The following ERC2 variants were observed in gnomAD, a reference collection of about 807,000 sequenced individuals.
ERC2 encodes ERC protein 2.
ERC2 carries 42 observed loss-of-function variants against 114.8 expected under a neutral mutation model. The ratio of observed to expected loss-of-function variants is 0.37; its 90% CI spans 0.29 to 0.47. ERC2 has a LOEUF of 0.47. Ranked by LOEUF, ERC2 falls within the 20% of genes least tolerant of loss-of-function variation. ERC2 has a pLI of 0.99. For missense variants in ERC2, 939 were observed against 1,150.7 expected (o/e 0.82, Z 2.66); for synonymous variants, 454 against 425.5 (o/e 1.07, Z -0.82).
At chr3:55,816,918 T>C (rs1320789057) in intron 14 of ERC2, among the ~76,000 whole-genome samples, 1 of 152,218 alleles carries the variant, frequency 6.6e-6, no homozygotes, top group Non-Finnish European at 1.5e-5. Flanking sequence ...CTGTCTGGCA[T>C]GTGCAGCAGT....
At chr3:55,764,066 C>T (rs897321944) in intron 14 of ERC2, among the ~76,000 whole-genome samples, 2 of 152,188 alleles carry the variant, frequency 1.3e-5, no homozygotes, top group African/African-American at 2.4e-5. Flanking sequence ...AATACTTCCA[C>T]TGTTTGCGTT....
chr3:55,660,307 G>A (rs2061069067), intron 17 of ERC2, among the ~76,000 whole-genome samples: 1 of 152,222 alleles, frequency 6.6e-6, no homozygotes. Flanking sequence ...TTATGTCCAA[G>A]TTATAAAAAT....
intron 12 of ERC2, among the ~76,000 whole-genome samples, chr3:55,971,832 C>G (rs1029917521): frequency 6.6e-6 from 1 of 152,198 alleles, no homozygotes; most frequent in Non-Finnish European, 1.5e-5. Context: ...CTTCTGTACC[C>G]TTTATCTTCA....
intron 3 of ERC2, among the ~76,000 whole-genome samples, chr3:56,192,141 T>C (rs1169145141): frequency 6.6e-6 from 1 of 152,068 alleles, no homozygotes; most frequent in African/African-American, 2.4e-5. Flanking sequence ...ATTACCTACA[T>C]CTCTCCAACA....
At chr3:55,979,958 C>CTTTT (rs57387241) in intron 12 of ERC2, among the ~76,000 whole-genome samples, 1 of 129,150 alleles carries the variant, frequency 7.7e-6, no homozygotes, top group African/African-American at 2.8e-5. Flanking sequence ...CTTTTTTTTT[C>CTTTT]TTTTTTTTTT....
chr3:55,693,549 T>A (rs2062772034), intron 16 of ERC2, among the ~76,000 whole-genome samples: 1 of 151,196 alleles, frequency 6.6e-6, no homozygotes, highest in African/African-American at 2.4e-5. Flanking sequence ...AGCAGGAGAG[T>A]TTGCAATTGG....
At chr3:56,288,307 A>G (rs759338729) in intron 3 of ERC2, among the ~76,000 whole-genome samples, 29 of 152,282 alleles carry the variant, frequency 1.9e-4, no homozygotes, top group Non-Finnish European at 3.2e-4. Flanking sequence ...TCAGAGCGCC[A>G]TCACACCTAA....
At chr3:56,013,197 A>G (rs1311211525) in intron 8 of ERC2, among the ~76,000 whole-genome samples, 1 of 152,236 alleles carries the variant, frequency 6.6e-6, no homozygotes, top group Non-Finnish European at 1.5e-5. Context: ...CCTGGAAAGT[A>G]AAAGGAATAA....
intron 14 of ERC2, among the ~76,000 whole-genome samples, chr3:55,872,436 T>G (rs549254244): frequency 6.6e-6 from 1 of 152,220 alleles, no homozygotes; most frequent in African/African-American, 2.4e-5. Context: ...TCTCCAAATA[T>G]AGGCATTTGA....
In ERC2 at chr3:55,952,178, C is replaced by CTATATAT. The variant is rs1302030120; in HGVS notation, c.2268-1619_2268-1618insATATATA. Among the ~76,000 whole-genome samples, 88 of 41,760 alleles carry CTATATAT rather than the reference C, an allele frequency of 2.1e-3. 2 individuals carry two copies. The highest frequency in any genetic ancestry group is 4.7e-3 in the African/African-American group (69 of 14,714). The allele number at this position is 41,760 out of a possible 152,430, so 27.4% of individuals were successfully genotyped here. ...ACACACACACACACACACACACACACACTCTCTCTCTCTCTCTCTCTATAT... is the reference window on the plus strand; with the variant it reads ...ACACACACACACACACACACACACACTATATATACTCTCTCTCTCTCTCTCTCTATAT... On this transcript the variant is annotated intron_variant, in intron 12 of 17. Transcript: ENST00000288221.
At chr3:55,725,253 T>A (rs1004130807) in intron 15 of ERC2, among the ~76,000 whole-genome samples, 1 of 152,180 alleles carries the variant, frequency 6.6e-6, no homozygotes, top group African/African-American at 2.4e-5. Context: ...AATGGTAAAG[T>A]TGATCTTTTC....
At chr3:56,333,606 A>G (rs2057726543) in intron 2 of ERC2, among the ~76,000 whole-genome samples, 1 of 152,238 alleles carries the variant, frequency 6.6e-6, no homozygotes, top group Non-Finnish European at 1.5e-5. Flanking sequence ...AGACACTCCA[A>G]AATGCTAAGT....
At chr3:56,458,708 G>C (rs977479380) in intron 1 of ERC2, among the ~76,000 whole-genome samples, 3 of 152,052 alleles carry the variant, frequency 2.0e-5, no homozygotes, top group Non-Finnish European at 4.4e-5. Flanking sequence ...GAGGCTTCAT[G>C]AACAATACGA....
At chr3:55,575,584 G>A (rs2056936092) in intron 17 of ERC2, among the ~76,000 whole-genome samples, 2 of 152,206 alleles carry the variant, frequency 1.3e-5, no homozygotes, top group Non-Finnish European at 2.9e-5. Context: ...AAAGTAAGTA[G>A]GACACAGAAG....
intron 3 of ERC2, among the ~76,000 whole-genome samples, chr3:56,291,989 C>A (rs1178877917): frequency 1.3e-5 from 2 of 152,166 alleles, no homozygotes; most frequent in African/African-American, 2.4e-5. Context: ...TTTGGTAGGT[C>A]ATTAATTAGA....
At chr3:56,267,730 G>A (rs1366463567) in intron 3 of ERC2, among the ~76,000 whole-genome samples, 3 of 152,146 alleles carry the variant, frequency 2.0e-5, no homozygotes, top group Non-Finnish European at 4.4e-5. Flanking sequence ...AGTGAGCCGA[G>A]ATCTTGCCAC....
chr3:55,827,428 G>A (rs1466922896), intron 14 of ERC2, among the ~76,000 whole-genome samples: 1 of 151,850 alleles, frequency 6.6e-6, no homozygotes, highest in East Asian at 1.9e-4. Flanking sequence ...GAAGAAAAGA[G>A]AGGGAGGGAG....
At chr3:56,256,201 A>T (rs1390294900) in intron 3 of ERC2, among the ~76,000 whole-genome samples, 1 of 152,216 alleles carries the variant, frequency 6.6e-6, no homozygotes, top group East Asian at 1.9e-4. Context: ...CCAGGAGGAG[A>T]CCTGCAGAGA....
At chr3:55,938,350 A>G (rs551271103) in intron 13 of ERC2, among the ~76,000 whole-genome samples, 2 of 149,970 alleles carry the variant, frequency 1.3e-5, no homozygotes, top group South Asian at 2.1e-4. Context: ...TTCATAGCTA[A>G]CTATGATCTC....
Sources: gnomAD v4.1 joint callset for allele counts (sites outside exome capture counted in the v4.1 genomes callset) on GRCh38, gnomAD v4.1.1 for gene constraint, MANE v1.5 for transcripts, NCBI Gene and HGNC (gene_info 2026-07-23, HGNC 2026-07-21) for gene names.